SSX2IP: variants seen among roughly 807,000 people sequenced by gnomAD.
SSX2IP encodes the protein afadin- and alpha-actinin-binding protein.
A neutral mutation model predicts 84.9 loss-of-function variants in SSX2IP; 55 were observed. The observed-to-expected ratio is 0.65, with a 90% CI of 0.52 to 0.81. The LOEUF (loss-of-function observed/expected upper bound fraction) is 0.81, where lower values mean the gene tolerates loss of function less well. Ranked by LOEUF, SSX2IP falls within the 30% of genes least tolerant of loss-of-function variation. The pLI is 0.00. For missense variants in SSX2IP, 664 were observed against 705.2 expected (o/e 0.94, Z 0.66); for synonymous variants, 239 against 234.7 (o/e 1.02, Z -0.17).
At chr1:84,655,586 A>G in intron 11 of SSX2IP, 1 of 1,445,024 alleles carries the variant, frequency 6.9e-7, no homozygotes, top group African/African-American at 1.4e-5. Flanking sequence ...GGAGAAAGCC[A>G]ATCTGAAAGC....
At chr1:84,655,231 A>C in intron 11 of SSX2IP, 2 of 634,940 alleles carry the variant, frequency 3.1e-6, no homozygotes, top group Non-Finnish European at 4.0e-6. Context: ...AACAGCAGTT[A>C]CCTCTAAGGA....
Position 84,658,306 on chromosome 1 carries a change from A to G in SSX2IP, c.1078+12T>C, listed in dbSNP as rs750656861. On this transcript the variant is annotated intron_variant, in intron 9 of 13. Coordinates refer to ENST00000342203, the MANE Select transcript of SSX2IP (RefSeq NM_001166293.2). Reference sequence around the variant, plus strand: ...TCACAACTCACTTTACATGCATAGAAGCAGTGGTTACCTTGGTTATCAAGC... The same window carrying G: ...TCACAACTCACTTTACATGCATAGAGGCAGTGGTTACCTTGGTTATCAAGC... 6.2e-7 allele frequency: 1 copy of G among 1,613,942 alleles called. No individual in the cohort carries two copies. Among genetic ancestry groups the G allele is most frequent in the Non-Finnish European group, 8.5e-7 (1 of 1,179,902 alleles).
rs376280125 is a variant in SSX2IP at position 84,674,474 on chromosome 1, GA to G, written c.-89-3167del. Reference sequence around the variant, plus strand: ...AATTTCATAATCAACTGGTTGGGGGGAAAAAACAAGGTCAGAAGAAAACAGT... The same window carrying G: ...AATTTCATAATCAACTGGTTGGGGGGAAAAACAAGGTCAGAAGAAAACAGT... On this transcript the variant is annotated intron_variant, in intron 1 of 13. Coordinates refer to ENST00000342203, the MANE Select transcript of SSX2IP (RefSeq NM_001166293.2). Among the ~76,000 whole-genome samples the G allele has an allele frequency of 4.7e-3, 710 of 152,182 alleles. 5 individuals carry two copies. The highest frequency in any genetic ancestry group is 0.016 in the South Asian group (79 of 4,822).
At chr1:84,656,525 C>T (rs770611212) in intron 9 of SSX2IP, 41 bp from the exon 10 acceptor site, 1 of 1,579,144 alleles carries the variant, frequency 6.3e-7, no homozygotes, top group Non-Finnish European at 8.6e-7. Context: ...CTTATAGCCA[C>T]CACTTAGTTT....
chr1:84,676,724 T>TTTTC (rs1654397958), intron 1 of SSX2IP, among the ~76,000 whole-genome samples: 2 of 126,152 alleles, frequency 1.6e-5, no homozygotes, highest in Non-Finnish European at 3.5e-5. Context: ...TTTTCCTTTT[T>TTTTC]TTTTTTTTTT....
chr1:84,658,277 A>C (rs764727159), intron 9 of SSX2IP, 41 bp downstream of exon 9: 23 of 1,609,000 alleles, frequency 1.4e-5, no homozygotes, highest in Non-Finnish European at 1.9e-5. Context: ...CACCTTACCA[A>C]ATGTCACAAC....
At position 84,665,986 on chromosome 1, in the gene SSX2IP, G is replaced by A. The variant is rs543933237; in HGVS notation, c.537+136C>T. The A allele has an allele frequency of 7.6e-6, 5 of 657,824 alleles. No individual in the cohort carries two copies. The African/African-American group carries it at 9.2e-5, about 12-fold the overall frequency. 40.7% of individuals were successfully genotyped at this position (657,824 alleles called of 1,614,324 possible). A position where few individuals can be genotyped will look rare whatever the true frequency, so the allele number is the denominator to read the frequency against. On this transcript the variant is annotated intron_variant, in intron 5 of 13. Coordinates refer to ENST00000342203, the MANE Select transcript of SSX2IP (RefSeq NM_001166293.2). ...TCCAGTTAAATACTATTACACAAAGGTCCACCATATCAATTTGGGGAAAGA... is the reference window on the plus strand; with the variant it reads ...TCCAGTTAAATACTATTACACAAAGATCCACCATATCAATTTGGGGAAAGA...
chr1:84,654,881 A>T (rs954327971), intron 11 of SSX2IP, among the ~76,000 whole-genome samples: 3 of 152,194 alleles, frequency 2.0e-5, no homozygotes, highest in African/African-American at 7.2e-5. Flanking sequence ...CAAAAATTGC[A>T]AAGTAGTACA....
At chr1:84,673,082 C>G (rs191140668) in intron 1 of SSX2IP, among the ~76,000 whole-genome samples, 1 of 152,178 alleles carries the variant, frequency 6.6e-6, no homozygotes, top group Non-Finnish European at 1.5e-5. Context: ...CTATGTGCTA[C>G]TACGTTTTCC....
rs74098432 is a variant in SSX2IP, at chr1:84,669,395, T to G, written c.426+286A>C. 8.4e-3 allele frequency among the ~76,000 whole-genome samples: 1,284 copies of G among 152,226 alleles called. 15 individuals carry two copies. Among genetic ancestry groups the G allele is most frequent in the African/African-American group, 0.029 (1,205 of 41,552 alleles). On this transcript the variant is annotated intron_variant, in intron 4 of 13. Transcript: ENST00000342203. ...ATATACTTTCTTAACCAAGATTGGA[T>G]GGGGTGACAGAATTGTTATTTTATT... is the stretch of plus-strand genomic sequence containing the variant.
At chr1:84,673,172 C>T (rs1653835449) in intron 1 of SSX2IP, among the ~76,000 whole-genome samples, 2 of 152,024 alleles carry the variant, frequency 1.3e-5, no homozygotes, top group Non-Finnish European at 2.9e-5. Flanking sequence ...AACAAATGAG[C>T]AACAACTTAA....
chr1:84,647,833 C>A (rs1307540619), intron 13 of SSX2IP, among the ~76,000 whole-genome samples: 1 of 151,422 alleles, frequency 6.6e-6, no homozygotes, highest in Non-Finnish European at 1.5e-5. Context: ...ACTGCTTGAG[C>A]CCAGGAATTC....
At chr1:84,647,821 G>A (rs142164992) in intron 13 of SSX2IP, among the ~76,000 whole-genome samples, 176 of 151,530 alleles carry the variant, frequency 1.2e-3, no homozygotes, top group African/African-American at 4.0e-3. Flanking sequence ...TGAGGCAGCC[G>A]AACTGCTTGA....
At position 84,687,708 on chromosome 1, in the gene SSX2IP, G is replaced by A. The variant is rs76697888; in HGVS notation, c.-90+2663C>T. On this transcript the variant is annotated intron_variant, in intron 1 of 13. Transcript: ENST00000342203. ...ATCACTCAAATTACTGATTTTGGTG[G>A]AAATATCCTTCTAAAGTAAAAATAA... Among the ~76,000 whole-genome samples, 1,065 of 152,226 alleles carry A rather than the reference G, an allele frequency of 7.0e-3. 14 individuals carry two copies. Among genetic ancestry groups the A allele is most frequent in the African/African-American group, 0.024 (992 of 41,524 alleles).
intron 1 of SSX2IP, among the ~76,000 whole-genome samples, chr1:84,676,803 A>G (rs962780092): frequency 1.5e-5 from 2 of 135,582 alleles, no homozygotes; most frequent in African/African-American, 5.5e-5. Flanking sequence ...GCTCAATGCT[A>G]TCTCAGCCTC....
intron 6 of SSX2IP, 84 bp from the exon 7 acceptor site, chr1:84,662,614 G>A: frequency 2.1e-6 from 3 of 1,458,222 alleles, no homozygotes; most frequent in Non-Finnish European, 2.8e-6. Flanking sequence ...CACGTAAGTG[G>A]TGAAAGTGAA....
At chr1:84,660,743 C>A (rs974645966) in intron 8 of SSX2IP, among the ~76,000 whole-genome samples, 2 of 149,934 alleles carry the variant, frequency 1.3e-5, no homozygotes, top group Non-Finnish European at 3.0e-5. Context: ...CCAGCCTGGG[C>A]AACAAGAGCA....
At chr1:84,660,115 A>G (rs2102301220) in intron 8 of SSX2IP, among the ~76,000 whole-genome samples, 1 of 152,352 alleles carries the variant, frequency 6.6e-6, no homozygotes, top group South Asian at 2.1e-4. Context: ...GCATTCCAAC[A>G]TTACATCTTA....
rs1046152303 is a variant in SSX2IP at position 84,690,385 on chromosome 1, G to A, written c.-104C>T. The A allele has an allele frequency of 4.0e-5, 6 of 150,852 alleles. No individual in the cohort carries two copies. Among genetic ancestry groups the A allele is most frequent in the Non-Finnish European group, 8.9e-5 (6 of 67,542 alleles). The allele number at this position is 150,852 out of a possible 1,614,324, so 9.3% of individuals were successfully genotyped here. ...CTGCTGCTCACCGTCACGGCCCCCG[G>A]GAGCGGCGGGGAGTCACCGCTCGGC... On this transcript the variant is annotated 5_prime_UTR_variant, in exon 1 of 14. Transcript: ENST00000342203.
Sources: allele counts gnomAD v4.1 joint callset (sites outside exome capture counted in the v4.1 genomes callset), GRCh38; gene constraint gnomAD v4.1.1; transcripts MANE v1.5; gene names NCBI Gene and HGNC (gene_info 2026-07-23, HGNC 2026-07-21).